The following GOLM1 variants were observed in gnomAD, a reference collection of about 807,000 sequenced individuals.
GOLM1 encodes the protein epididymis luminal protein 46.
Under a neutral mutation model 50.5 loss-of-function variants are expected in GOLM1, and 31 were observed. The observed-to-expected ratio is 0.61, with a 90% confidence interval of 0.46 to 0.83. The LOEUF is 0.83. Ranked by LOEUF, GOLM1 falls within the 40% of genes least tolerant of loss-of-function variation. The pLI, the probability that GOLM1 is intolerant of heterozygous loss-of-function variation, is 0.00. For missense variants in GOLM1, 491 were observed against 501.3 expected, an observed-to-expected ratio of 0.98 and a Z score of 0.20; for synonymous variants, 178 against 192.8, an observed-to-expected ratio of 0.92 and a Z score of 0.64.
intron 3 of GOLM1, among the ~76,000 whole-genome samples, chr9:86,065,075 C>T (rs1014299322): frequency 6.6e-5 from 10 of 152,210 alleles, no homozygotes; most frequent in Non-Finnish European, 1.3e-4. Context: ...TCACGCTCTA[C>T]GCTGGGCACA....
chr9:86,031,925 C>CAA lies in GOLM1; in HGVS notation c.1129+1355_1129+1356dup, dbSNP rs1043805404. Among the ~76,000 whole-genome samples the CAA allele has an allele frequency of 8.9e-3, 315 of 35,464 alleles. 1 individual carries two copies. Among genetic ancestry groups the CAA allele is most frequent in the Non-Finnish European group, 0.012 (206 of 17,190 alleles). The allele number at this position is 35,464 out of a possible 152,430, so 23.3% of individuals were successfully genotyped here. On this transcript the variant is annotated intron_variant, in intron 9 of 9. Transcript: ENST00000388712. ...AGGGTGACAGAGCGAGACTCCATCT[C>CAA]AAAAAAAAAAAAAAAAAAAAAAAAA...
Position 86,030,464 on chromosome 9 carries a change from A to C in GOLM1, c.1130-2571T>G, listed in dbSNP as rs1420473660. ...AACTCTGCCAATTGAAACAACTGAC[A>C]TCCTGGAGAAATATAAAAGATAATT... On this transcript the variant is annotated intron_variant, in intron 9 of 9. Transcript: ENST00000388712. Among the ~76,000 whole-genome samples, 3 of 152,208 alleles carry C rather than the reference A, an allele frequency of 2.0e-5. No individual in the cohort carries two copies. In the East Asian group the frequency reaches 5.8e-4, roughly 29 times the overall value.
chr9:86,077,652 G>C, intron 2 of GOLM1, 61 bp from the exon 3 acceptor site: 1 of 1,263,316 alleles, frequency 7.9e-7, no homozygotes, highest in East Asian at 2.3e-5. Flanking sequence ...TGGACCACCT[G>C]AGCGCCCTCC....
At chr9:86,030,440 ACT>A (rs1315613913) in intron 9 of GOLM1, among the ~76,000 whole-genome samples, 1 of 152,162 alleles carries the variant, frequency 6.6e-6, no homozygotes, top group Non-Finnish European at 1.5e-5. Flanking sequence ...ATTCCAAACA[ACT>A]CTGCCAATTG....
intron 3 of GOLM1, among the ~76,000 whole-genome samples, chr9:86,053,682 CCACA>C (rs1564347599): frequency 2.2e-4 from 28 of 126,704 alleles, no homozygotes; most frequent in Non-Finnish European, 3.0e-4. Context: ...GCACACCACT[CCACA>C]CACACCACAC....
At position 86,048,937 on chromosome 9, in the gene GOLM1, C is replaced by T. The variant is rs747795351; in HGVS notation, c.365-2365G>A. On this transcript the variant is annotated intron_variant, in intron 4 of 9. Transcript: ENST00000388712. ...GCCATTGCTTTTGGTGTTTTAGACA[C>T]GAAGTCCTTGCCCATGCCTATGTCC... is the stretch of plus-strand genomic sequence containing the variant. Among the ~76,000 whole-genome samples the T allele has an allele frequency of 5.9e-4, 90 of 152,244 alleles. 1 individual carries two copies. Among genetic ancestry groups the T allele is most frequent in the East Asian group, 9.7e-4 (5 of 5,178 alleles).
intron 1 of GOLM1, among the ~76,000 whole-genome samples, chr9:86,097,125 C>G (rs1031583427): frequency 6.8e-6 from 1 of 147,252 alleles, no homozygotes; most frequent in Non-Finnish European, 1.5e-5. Flanking sequence ...AAAGGAAAGA[C>G]TCTCTGGAAA....
intron 5 of GOLM1, among the ~76,000 whole-genome samples, chr9:86,046,084 C>T (rs1033707658): frequency 3.3e-5 from 5 of 152,146 alleles, no homozygotes; most frequent in Admixed American, 3.3e-4. Context: ...AAAACAATGT[C>T]CACAATGTGA....
chr9:86,083,470 C>T (rs1318736455), intron 1 of GOLM1, among the ~76,000 whole-genome samples: 2 of 152,138 alleles, frequency 1.3e-5, no homozygotes, highest in East Asian at 1.9e-4. Flanking sequence ...CTGCAACCTC[C>T]GACTCCCAGG....
chr9:86,040,974 G>A, intron 5 of GOLM1, 106 bp from the exon 6 acceptor site: 1 of 1,086,372 alleles, frequency 9.2e-7, no homozygotes, highest in Non-Finnish European at 1.3e-6. Flanking sequence ...CCTGCTTCAG[G>A]CACTTCATCT....
rs36119587 is a variant in GOLM1, at chr9:86,033,965, CTT to C, written c.1016-572_1016-571del. 9.8e-4 allele frequency among the ~76,000 whole-genome samples: 135 copies of C among 138,446 alleles called. 1 individual carries two copies. Among genetic ancestry groups the C allele is most frequent in the Admixed American group, 7.3e-4 (10 of 13,692 alleles). The allele number at this position is 138,446 out of a possible 152,430, so 90.8% of individuals were successfully genotyped here. On this transcript the variant is annotated intron_variant, in intron 8 of 9. Coordinates refer to ENST00000388712, the MANE Select transcript of GOLM1 (RefSeq NM_016548.4). ...GTGTATGCAGGCTGGTAAACAAAAT[CTT>C]TTTTTTTTTTTTTTTGAGATGGAGT...
chr9:86,026,843 A>G lies in GOLM1; in HGVS notation c.*974T>C. ...TAAATGTGTACACTATGATAAAAACAACCATTGTATTCCTGTTTTTCTAAA... is the reference window on the plus strand; with the variant it reads ...TAAATGTGTACACTATGATAAAAACGACCATTGTATTCCTGTTTTTCTAAA... On this transcript the variant is annotated 3_prime_UTR_variant, in exon 10 of 10. Transcript: ENST00000388712. The G allele has an allele frequency of 1.0e-6, 1 of 980,366 alleles. No homozygotes were observed. Among genetic ancestry groups the G allele is most frequent in the Non-Finnish European group, 1.2e-6 (1 of 825,306 alleles). The allele number at this position is 980,366 out of a possible 1,614,324, so 60.7% of individuals were successfully genotyped here.
chr9:86,047,494 G>A (rs924575684), intron 4 of GOLM1, among the ~76,000 whole-genome samples: 3 of 152,110 alleles, frequency 2.0e-5, no homozygotes, highest in South Asian at 2.1e-4. Flanking sequence ...AAGCTGTGGC[G>A]AAGAGAACAG....
At chr9:86,036,243 G>A in intron 7 of GOLM1, 105 bp downstream of exon 7, 1 of 1,154,032 alleles carries the variant, frequency 8.7e-7, no homozygotes. Context: ...GCTCCTGGCT[G>A]CGCCGCTGCC....
At chr9:86,073,211 C>A (rs541143465) in intron 3 of GOLM1, among the ~76,000 whole-genome samples, 6 of 149,998 alleles carry the variant, frequency 4.0e-5, no homozygotes, top group Admixed American at 3.3e-4. Flanking sequence ...TCACAGTGGT[C>A]TGGAAGTTTA....
At position 86,040,700 on chromosome 9, in the gene GOLM1, G is replaced by GAATTTT; in HGVS notation, c.597+38_597+39insAAAATT. On this transcript the variant is annotated intron_variant, in intron 6 of 9. Transcript: ENST00000388712. The stretch of plus-strand genomic sequence containing the variant: ...AGAAACAAAATGCCTGAAGATAGGG[G>GAATTTT]TACCTTCTAGAAACTCTTGGCAAAA... 1.9e-6 allele frequency: 3 copies of GAATTTT among 1,590,650 alleles called. No individual in the cohort carries two copies. The East Asian group carries it at 6.7e-5, about 36-fold the overall frequency.
At chr9:86,055,761 T>C (rs764212016) in intron 3 of GOLM1, among the ~76,000 whole-genome samples, 6 of 151,912 alleles carry the variant, frequency 3.9e-5, no homozygotes, top group Non-Finnish European at 2.9e-5. Context: ...AGAAACAAAA[T>C]AGAAAGGTGG....
chr9:86,070,917 G>A (rs998196269), intron 3 of GOLM1, among the ~76,000 whole-genome samples: 5 of 152,168 alleles, frequency 3.3e-5, no homozygotes, highest in Non-Finnish European at 5.9e-5. Context: ...CAGCAGGAAC[G>A]TTCTGTGGCA....
At chr9:86,045,110 C>T (rs1388809250) in intron 5 of GOLM1, among the ~76,000 whole-genome samples, 1 of 152,000 alleles carries the variant, frequency 6.6e-6, no homozygotes, top group Non-Finnish European at 1.5e-5. Context: ...GTGACTCATG[C>T]GTGTAATCCC....
Sources: gnomAD v4.1 joint callset for allele counts (sites outside exome capture counted in the v4.1 genomes callset) on GRCh38, gnomAD v4.1.1 for gene constraint, MANE v1.5 for transcripts, NCBI Gene and HGNC (gene_info 2026-07-23, HGNC 2026-07-21) for gene names.